ITSN2: variants seen among roughly 807,000 people sequenced by gnomAD.
The protein encoded by ITSN2 is intersectin-2.
ITSN2 carries 156 observed loss-of-function variants against 243.7 expected under a neutral mutation model. The observed-to-expected ratio is 0.64, with a 90% CI of 0.56 to 0.73. The LOEUF (loss-of-function observed/expected upper bound fraction) is 0.73, where lower values mean the gene tolerates loss of function less well. Among genes scored for constraint, ITSN2 ranks in the 30% least tolerant of loss-of-function variants. The pLI is 0.00. For synonymous variants in ITSN2, 703 were observed against 699.9 expected, an observed-to-expected ratio of 1.00 and a Z score of -0.07; for missense variants, 1,801 against 1,996.1, an observed-to-expected ratio of 0.90 and a Z score of 1.86.
At chr2:24,207,749 A>T (rs1298790131) in intron 37 of ITSN2, among the ~76,000 whole-genome samples, 2 of 151,622 alleles carry the variant, frequency 1.3e-5, no homozygotes, top group East Asian at 3.9e-4. Context: ...AGTCTGGTGA[A>T]GTGAGAAGGG....
At chr2:24,312,075 AT>A in intron 5 of ITSN2, 136 bp downstream of exon 5, 1 of 678,910 alleles carries the variant, frequency 1.5e-6, no homozygotes, top group Non-Finnish European at 2.4e-6. Flanking sequence ...TTTAATATTT[AT>A]TATCTCTAAC....
chr2:24,285,582 C>T (rs1287100631), intron 16 of ITSN2, among the ~76,000 whole-genome samples: 1 of 152,164 alleles, frequency 6.6e-6, no homozygotes, highest in African/African-American at 2.4e-5. Flanking sequence ...ACATTCTATG[C>T]CATGAGCCTG....
At chr2:24,238,326 C>T (rs1219699957) in intron 29 of ITSN2, among the ~76,000 whole-genome samples, 1 of 152,158 alleles carries the variant, frequency 6.6e-6, no homozygotes, top group Non-Finnish European at 1.5e-5. Context: ...TATGTAAACA[C>T]TTCATACATG....
In ITSN2 at chr2:24,249,878, T is replaced by C. The variant is rs1433458655; in HGVS notation, c.3121-996A>G. ...GTCTGTGGGATAAAAACTATCTTCA[T>C]AAAAATACTAAGACATTATTTGTCT... On this transcript the variant is annotated intron_variant, in intron 25 of 39. Transcript: ENST00000355123. The surrounding 1 kb of genome is among the most constrained non-coding windows in gnomAD (Gnocchi z 4.4). Among the ~76,000 whole-genome samples the C allele has an allele frequency of 4.6e-5, 7 of 152,278 alleles. No individual in the cohort carries two copies. The highest frequency in any genetic ancestry group is 8.8e-5 in the Non-Finnish European group (6 of 68,024).
chr2:24,209,444 A>G (rs1371984739), intron 35 of ITSN2, among the ~76,000 whole-genome samples: 1 of 152,178 alleles, frequency 6.6e-6, no homozygotes, highest in East Asian at 1.9e-4. Flanking sequence ...AGGTGTTGGG[A>G]CTGGGTGGGG....
chr2:24,253,466 C>T (rs1674620286), intron 24 of ITSN2, among the ~76,000 whole-genome samples: 1 of 152,216 alleles, frequency 6.6e-6, no homozygotes, highest in South Asian at 2.1e-4. Flanking sequence ...CATGACGTTC[C>T]CCCGTTCCTT....
chr2:24,336,707 G>A (rs544341354), intron 1 of ITSN2, among the ~76,000 whole-genome samples: 1 of 152,240 alleles, frequency 6.6e-6, no homozygotes, highest in African/African-American at 2.4e-5. Context: ...TCCTATGTGT[G>A]TCCATACACT....
At chr2:24,210,337 A>G (rs936563825) in intron 34 of ITSN2, 15 of 370,362 alleles carry the variant, frequency 4.1e-5, no homozygotes, top group Non-Finnish European at 7.4e-5. Context: ...TCCAAGAAGG[A>G]ATGCCCTTCA....
At chr2:24,320,884 T>A (rs1010807724) in intron 2 of ITSN2, among the ~76,000 whole-genome samples, 5 of 152,194 alleles carry the variant, frequency 3.3e-5, no homozygotes, top group Non-Finnish European at 7.3e-5. Context: ...AACCTGCTGC[T>A]TGGAGTCCTG....
chr2:24,286,084 G>A (rs1679463005), intron 16 of ITSN2, 128 bp downstream of exon 16: 2 of 607,170 alleles, frequency 3.3e-6, no homozygotes, highest in African/African-American at 3.8e-5. Context: ...TTCTTGTATA[G>A]TTGAAATTAT....
chr2:24,262,872 T>C (rs1676087625), intron 20 of ITSN2, among the ~76,000 whole-genome samples: 1 of 152,142 alleles, frequency 6.6e-6, no homozygotes. Flanking sequence ...ACCAAAAATT[T>C]AGTCATTCTA....
intron 37 of ITSN2, among the ~76,000 whole-genome samples, chr2:24,207,454 G>T (rs994631531): frequency 4.6e-5 from 7 of 152,258 alleles, no homozygotes; most frequent in African/African-American, 1.7e-4. Context: ...GAGCAGCGGG[G>T]CAGGTGGTTC....
chr2:24,216,513 C>T (rs933255931), intron 31 of ITSN2, among the ~76,000 whole-genome samples: 11 of 151,968 alleles, frequency 7.2e-5, no homozygotes, highest in Admixed American at 3.3e-4. Flanking sequence ...CCCAGCATTT[C>T]GGGAGGCCGA....
chr2:24,305,285 G>A (rs1682350439), intron 8 of ITSN2, among the ~76,000 whole-genome samples: 1 of 152,016 alleles, frequency 6.6e-6, no homozygotes, highest in Admixed American at 6.6e-5. Context: ...TTAGGGGGAG[G>A]AGAAGAGAAG....
intron 1 of ITSN2, among the ~76,000 whole-genome samples, chr2:24,337,315 A>AATATATATATATATAC (rs70944741): frequency 0.2 from 6,370 of 31,804 alleles, 1,796 homozygotes; most frequent in Non-Finnish European, 0.22. Flanking sequence ...GTATACACAA[A>AATATATATATATATAC]ATATATATAT....
At chr2:24,272,024 T>C in intron 18 of ITSN2, 83 bp from the exon 19 acceptor site, 2 of 1,175,130 alleles carry the variant, frequency 1.7e-6, no homozygotes, top group Non-Finnish European at 1.2e-6. Context: ...CTGGTTCCTG[T>C]CAAGGTGAAG....
intron 1 of ITSN2, among the ~76,000 whole-genome samples, chr2:24,354,325 T>C (rs891073147): frequency 6.6e-6 from 1 of 152,244 alleles, no homozygotes. Context: ...AGTGGGATTG[T>C]GGGTCTGTAC....
At chr2:24,234,134 T>C (rs529279057) in intron 29 of ITSN2, among the ~76,000 whole-genome samples, 3 of 152,072 alleles carry the variant, frequency 2.0e-5, no homozygotes, top group African/African-American at 7.2e-5. Flanking sequence ...AATACACAAA[T>C]AGATCAATGA....
intron 2 of ITSN2, among the ~76,000 whole-genome samples, chr2:24,325,505 A>C (rs1242098182): frequency 6.6e-6 from 1 of 152,162 alleles, no homozygotes; most frequent in East Asian, 1.9e-4. Context: ...TCTTATTTAA[A>C]TATATCAACT....
Sources: gnomAD v4.1 joint callset for allele counts (sites outside exome capture counted in the v4.1 genomes callset) on GRCh38, gnomAD v4.1.1 for gene constraint, Gnocchi (gnomAD v3.1) non-coding constraint, MANE v1.5 for transcripts, NCBI Gene and HGNC (gene_info 2026-07-23, HGNC 2026-07-21) for gene names.